The following CDC25C variants were observed in gnomAD, a reference collection of about 807,000 sequenced individuals.
CDC25C encodes the protein M-phase inducer phosphatase 3.
CDC25C carries 48 observed loss-of-function variants against 52.5 expected under a neutral mutation model. That is an observed-to-expected ratio of 0.91 (90% CI 0.72 to 1.16). The LOEUF is 1.16. CDC25C is among the 50% of genes most tolerant of loss of function. The pLI is 0.00. For synonymous variants in CDC25C, 187 were observed against 206.5 expected, an observed-to-expected ratio of 0.91 and a Z score of 0.81; for missense variants, 510 against 566.1, an observed-to-expected ratio of 0.90 and a Z score of 1.01.
chr5:138,310,513 T>A (rs1451921159), intron 7 of CDC25C, among the ~76,000 whole-genome samples: 1 of 152,234 alleles, frequency 6.6e-6, no homozygotes, highest in Non-Finnish European at 1.5e-5. Context: ...GCCTTCTTCA[T>A]AACTCCACAT....
chr5:138,330,213 G>A (rs185266316), intron 2 of CDC25C, among the ~76,000 whole-genome samples: 350 of 149,084 alleles, frequency 2.3e-3, no homozygotes, highest in Non-Finnish European at 4.3e-3. Flanking sequence ...TTTTTTAAAT[G>A]AGGCCCAGAG....
At chr5:138,309,927 G>A (rs536263520) in intron 7 of CDC25C, among the ~76,000 whole-genome samples, 1 of 152,050 alleles carries the variant, frequency 6.6e-6, no homozygotes, top group African/African-American at 2.4e-5. Context: ...GGCTGGTCTC[G>A]AACTCCTGAT....
intron 13 of CDC25C, 61 bp downstream of exon 13, chr5:138,285,961 C>T (rs1418861618): frequency 6.5e-7 from 1 of 1,532,182 alleles, no homozygotes; most frequent in Non-Finnish European, 9.0e-7. Context: ...TCTCTGAAGG[C>T]TTTGCAGGCC....
rs764648211 is a variant in CDC25C, at chr5:138,331,085, G to A, written c.96C>T (p.Leu32=). 45 of 1,613,962 alleles carry A rather than the reference G, an allele frequency of 2.8e-5. No individual in the cohort carries two copies. Among genetic ancestry groups the A allele is most frequent in the Non-Finnish European group, 1.3e-5 (15 of 1,179,952 alleles). The change falls in exon 2 of 14, where the codon CTC becomes CTT. Residue 32 remains leucine, a synonymous_variant. Coordinates refer to ENST00000323760, the MANE Select transcript of CDC25C (RefSeq NM_001790.5). ...CGGTAAAGGAAGTGTCTCTCTCCAGGAGCAGGTTTAACATTTTCCTTTGAT... is the reference window on the plus strand; with the variant it reads ...CGGTAAAGGAAGTGTCTCTCTCCAGAAGCAGGTTTAACATTTTCCTTTGAT... ...RSNQRKMLNL[L]LERDTSFTVC...
intron 7 of CDC25C, among the ~76,000 whole-genome samples, chr5:138,299,801 G>C (rs1757501117): frequency 6.6e-6 from 1 of 151,794 alleles, no homozygotes; most frequent in Non-Finnish European, 1.5e-5. Flanking sequence ...CAGAACTTAA[G>C]AGAATAGAAA....
chr5:138,308,954 A>C (rs1245473363), intron 7 of CDC25C, among the ~76,000 whole-genome samples: 1 of 152,092 alleles, frequency 6.6e-6, no homozygotes, highest in African/African-American at 2.4e-5. Context: ...TTCAGGGTGG[A>C]TATGAGAATG....
At chr5:138,296,966 A>G (rs1757255378) in intron 7 of CDC25C, among the ~76,000 whole-genome samples, 2 of 130,312 alleles carry the variant, frequency 1.5e-5, no homozygotes. Context: ...GGTGGAGTGC[A>G]GTGGCACGAT....
intron 7 of CDC25C, among the ~76,000 whole-genome samples, chr5:138,293,296 C>T (rs1219031368): frequency 6.6e-6 from 1 of 152,162 alleles, no homozygotes; most frequent in Non-Finnish European, 1.5e-5. Context: ...CTAGGCCAAT[C>T]AGGTTCCCTC....
At chr5:138,322,774 C>A (rs1198590816) in intron 6 of CDC25C, among the ~76,000 whole-genome samples, 1 of 151,696 alleles carries the variant, frequency 6.6e-6, no homozygotes, top group African/African-American at 2.4e-5. Flanking sequence ...CGCGCCCGGC[C>A]CTGGCTAATT....
exon 1 of CDC25C, chr5:138,338,279 C>T (rs1414665568): frequency 1.1e-6 from 1 of 903,686 alleles, no homozygotes; most frequent in Non-Finnish European, 1.6e-6. Context: ...GCTGCTCCGG[C>T]CGCGGCCCTG....
At chr5:138,289,709 C>G (rs1191192600) in intron 9 of CDC25C, 146 bp from the exon 10 acceptor site, 9 of 605,268 alleles carry the variant, frequency 1.5e-5, no homozygotes, top group Non-Finnish European at 2.7e-5. Flanking sequence ...AGTGCATATA[C>G]ATCAAGTCCA....
rs895131805 is a variant in CDC25C at position 138,320,663 on chromosome 5, T to C, written c.460-1289A>G. ...GGCAAAACCCTGATTCTACAAAATA[T>C]ACAAAAAAATTAGGTTGAGGTGGGC... On this transcript the variant is annotated intron_variant, in intron 6 of 13. Coordinates refer to ENST00000323760, the MANE Select transcript of CDC25C (RefSeq NM_001790.5). Among the ~76,000 whole-genome samples, 3 of 151,318 alleles carry C rather than the reference T, an allele frequency of 2.0e-5. No individual in the cohort carries two copies. In the South Asian group the frequency reaches 6.3e-4, roughly 32 times the overall value.
At chr5:138,294,649 C>T (rs112616025) in intron 7 of CDC25C, among the ~76,000 whole-genome samples, 61 of 149,560 alleles carry the variant, frequency 4.1e-4, no homozygotes, top group African/African-American at 1.3e-3. Flanking sequence ...GGACTACAGG[C>T]GCCCGCCACC....
intron 5 of CDC25C, 35 bp downstream of exon 5, chr5:138,325,986 G>T (rs1759821752): frequency 1.2e-6 from 2 of 1,613,730 alleles, no homozygotes; most frequent in African/African-American, 1.3e-5. Flanking sequence ...CACCTGAAAA[G>T]CAAAACAAAA....
Position 138,327,955 on chromosome 5 carries a change from C to T in CDC25C, c.335+529G>A, listed in dbSNP as rs530061584. Reference sequence around the variant, plus strand: ...AGTCTTGGCTCACTGCAACCTCCGCCTCCTGGGCTCAAGTAATTCTCCTAC... The same window carrying T: ...AGTCTTGGCTCACTGCAACCTCCGCTTCCTGGGCTCAAGTAATTCTCCTAC... On this transcript the variant is annotated intron_variant, in intron 4 of 13. Coordinates refer to ENST00000323760, the MANE Select transcript of CDC25C (RefSeq NM_001790.5). Among the ~76,000 whole-genome samples the T allele has an allele frequency of 8.5e-5, 13 of 152,254 alleles. No homozygotes were observed. In the South Asian group the frequency reaches 1.0e-3, roughly 12 times the overall value.
chr5:138,337,598 A>T (rs1760799911), intron 1 of CDC25C: 1 of 285,406 alleles, frequency 3.5e-6, no homozygotes, highest in Non-Finnish European at 6.8e-6. Flanking sequence ...GGCTATCCTG[A>T]GCTTTACAAA....
At position 138,327,675 on chromosome 5, in the gene CDC25C, G is replaced by T. The variant is rs559199338; in HGVS notation, c.335+809C>A. Among the ~76,000 whole-genome samples the T allele has an allele frequency of 1.2e-4, 19 of 152,180 alleles. 1 individual carries two copies. In the East Asian group the frequency reaches 3.7e-3, roughly 29 times the overall value. The stretch of plus-strand genomic sequence containing the variant: ...AATACATAAGTAAAATGCTTGGTAT[G>T]TGCTAGATACACAGTTTATTTACTC... On this transcript the variant is annotated intron_variant, in intron 4 of 13. Coordinates refer to ENST00000323760, the MANE Select transcript of CDC25C (RefSeq NM_001790.5).
chr5:138,338,255 A>C (rs1316777885), exon 1 of CDC25C: 24 of 1,107,274 alleles, frequency 2.2e-5, no homozygotes, highest in Non-Finnish European at 2.6e-5. Context: ...CGTGGGGCGA[A>C]CCGAGCGCTC....
At chr5:138,324,301 C>G (rs147524999) in intron 6 of CDC25C, among the ~76,000 whole-genome samples, 145 of 151,962 alleles carry the variant, frequency 9.5e-4, no homozygotes, top group African/African-American at 3.4e-3. Flanking sequence ...TAAGTAAATT[C>G]TATGAGATTT....
Sources: allele counts gnomAD v4.1 joint callset (sites outside exome capture counted in the v4.1 genomes callset), GRCh38; gene constraint gnomAD v4.1.1; transcripts MANE v1.5; gene names NCBI Gene and HGNC (gene_info 2026-07-23, HGNC 2026-07-21).